IFFO2: variants seen among roughly 807,000 people sequenced by gnomAD.
IFFO2 encodes the protein intermediate filament family orphan 2.
Under a neutral mutation model 53.5 loss-of-function variants are expected in IFFO2, and 19 were observed. The ratio of observed to expected loss-of-function variants is 0.36; its 90% CI spans 0.25 to 0.52. The LOEUF (loss-of-function observed/expected upper bound fraction) is 0.52, where lower values mean the gene tolerates loss of function less well. IFFO2 is among the 20% of genes least tolerant of loss of function. IFFO2 has a pLI of 0.94. For synonymous variants in IFFO2, 303 were observed against 313.6 expected, an observed-to-expected ratio of 0.97 and a Z score of 0.36; for missense variants, 570 against 727.4, an observed-to-expected ratio of 0.78 and a Z score of 2.49.
Position 18,917,342 on chromosome 1 carries a change from AG to A in IFFO2, c.964-301del, listed in dbSNP as rs1936148091. The stretch of plus-strand genomic sequence containing the variant: ...AGCCCCACAGTTTGGGGAGAGGAGC[AG>A]GCCAGACCGGGACACAGAGTTGCCT... On this transcript the variant is annotated intron_variant, in intron 4 of 8. Transcript: ENST00000455833. This position sits in a 1 kb window ranked among gnomAD's most constrained non-coding sequence, Gnocchi z 5.9. Among the ~76,000 whole-genome samples the A allele has an allele frequency of 6.6e-6, 1 of 152,164 alleles. No homozygotes were observed. Among genetic ancestry groups the A allele is most frequent in the Non-Finnish European group, 1.5e-5 (1 of 68,032 alleles).
At position 18,936,419 on chromosome 1, in the gene IFFO2, C is replaced by T. The variant is rs971941191; in HGVS notation, c.666-15298G>A. ...CCTCCACCCCATCCCCATCCCGTGTCTGCTGGCTCTTGCTTAAGTGGAAGC... is the reference window on the plus strand; with the variant it reads ...CCTCCACCCCATCCCCATCCCGTGTTTGCTGGCTCTTGCTTAAGTGGAAGC... On this transcript the variant is annotated intron_variant, in intron 1 of 8. Coordinates refer to ENST00000455833, the MANE Select transcript of IFFO2 (RefSeq NM_001136265.2). The surrounding 1 kb of genome is among the most constrained non-coding windows in gnomAD (Gnocchi z 4.5). 2.0e-5 allele frequency among the ~76,000 whole-genome samples: 3 copies of T among 152,226 alleles called. No homozygotes were observed. The highest frequency in any genetic ancestry group is 7.2e-5 in the African/African-American group (3 of 41,460).
Position 18,956,168 on chromosome 1 carries a change from G to A in IFFO2, c.165C>T (p.His55=), listed in dbSNP as rs983235486. ...AGCGCACGTTGAGCCCCTTCAAGAG[G>A]TGGATGTTGGAGCCCAGGTCGTCCC... is the stretch of plus-strand genomic sequence containing the variant. ...ALRDDLGSNI[H]LLKGLNVRFR... is the part of the protein sequence containing the mutation. Residue 55 remains histidine, a synonymous_variant, in exon 1 of 9, where the codon CAC becomes CAT. Transcript: ENST00000455833. This position sits in a 1 kb window ranked among gnomAD's most constrained non-coding sequence, Gnocchi z 6.4. 496 of 1,477,278 alleles carry A rather than the reference G, an allele frequency of 3.4e-4. 1 individual carries two copies. Among genetic ancestry groups the A allele is most frequent in the Non-Finnish European group, 4.1e-4 (449 of 1,103,094 alleles). 91.5% of individuals were successfully genotyped at this position (1,477,278 alleles called of 1,614,324 possible). A position where few individuals can be genotyped will look rare whatever the true frequency, so the allele number is the denominator to read the frequency against.
Position 18,908,567 on chromosome 1 carries a change from G to C in IFFO2, c.1548C>G (p.Val516=). 1 of 1,550,826 alleles carries C rather than the reference G, an allele frequency of 6.4e-7. No homozygotes were observed. Among genetic ancestry groups the C allele is most frequent in the South Asian group, 1.2e-5 (1 of 84,000 alleles). ...GCTCGCAGGGCCTCAGTCATCAGCT[G>C]ACCATGGGCTCCACATCCGCCTCGC... ...FEREADVEPM[V]S Residue 516 remains valine (V), a synonymous_variant, in exon 9 of 9, where the codon GTC becomes GTG. Transcript: ENST00000455833.
In IFFO2 at chr1:18,937,331, T is replaced by C. The variant is rs1488264327; in HGVS notation, c.666-16210A>G. Among the ~76,000 whole-genome samples the C allele has an allele frequency of 4.6e-5, 7 of 152,284 alleles. No individual in the cohort carries two copies. The South Asian group carries it at 1.4e-3, about 32-fold the overall frequency. ...TTCCAGCGCAGCTGAGGCAGGTAAT[T>C]AGACTGCAAACACGCGCACCAAAAG... On this transcript the variant is annotated intron_variant, in intron 1 of 8. Transcript: ENST00000455833.
intron 1 of IFFO2, among the ~76,000 whole-genome samples, chr1:18,939,872 G>A (rs1288643002): frequency 6.6e-6 from 1 of 152,218 alleles, no homozygotes; most frequent in Non-Finnish European, 1.5e-5. Flanking sequence ...TCTCAGAAAG[G>A]GTTCTGGAAT....
intron 1 of IFFO2, among the ~76,000 whole-genome samples, chr1:18,951,740 T>C (rs1183220695): frequency 6.6e-6 from 1 of 152,164 alleles, no homozygotes; most frequent in Non-Finnish European, 1.5e-5. Context: ...GGGGAAACGG[T>C]TGAACCGGTT....
In IFFO2 at chr1:18,956,434, C is replaced by A. The variant is rs554983793; in HGVS notation, c.-102G>T. 5 of 161,828 alleles carry A rather than the reference C, an allele frequency of 3.1e-5. No individual in the cohort carries two copies. The allele number at this position is 161,828 out of a possible 1,614,324, so 10.0% of individuals were successfully genotyped here. ...GGCCGGGCCAGGGTGGGCGCGGGCT[C>A]CAGCGCGGCCGGCCGGGCGGTTCCA... On this transcript the variant is annotated 5_prime_UTR_variant, in exon 1 of 9. Transcript: ENST00000455833. The surrounding 1 kb of genome is among the most constrained non-coding windows in gnomAD (Gnocchi z 6.4).
At chr1:18,927,029 T>C (rs987599852) in intron 1 of IFFO2, among the ~76,000 whole-genome samples, 2 of 152,172 alleles carry the variant, frequency 1.3e-5, no homozygotes, top group Non-Finnish European at 2.9e-5. Flanking sequence ...CCCAGTTGCG[T>C]GATCTTGAGC....
rs533358101 is a variant in IFFO2 at position 18,947,825 on chromosome 1, G to A, written c.665+7843C>T. On this transcript the variant is annotated intron_variant, in intron 1 of 8. Coordinates refer to ENST00000455833, the MANE Select transcript of IFFO2 (RefSeq NM_001136265.2). The surrounding 1 kb of genome is among the most constrained non-coding windows in gnomAD (Gnocchi z 5.0). ...AGGGAGTCTTCCCAGCGCAGCAGCC[G>A]CCTCCTATTCTGCCACCCGCCATGG... is the stretch of plus-strand genomic sequence containing the variant. Among the ~76,000 whole-genome samples, 3 of 152,320 alleles carry A rather than the reference G, an allele frequency of 2.0e-5. No individual in the cohort carries two copies. The highest frequency in any genetic ancestry group is 4.1e-4 in the South Asian group (2 of 4,828).
chr1:18,911,478 TG>T lies in IFFO2; in HGVS notation c.1225-3del. 1 of 1,468,028 alleles carries T rather than the reference TG, an allele frequency of 6.8e-7. No individual in the cohort carries two copies. The highest frequency in any genetic ancestry group is 2.3e-5 in the Admixed American group (1 of 43,078). 90.9% of individuals were successfully genotyped at this position (1,468,028 alleles called of 1,614,324 possible). ...CAAGTTGCCCAAGTTTTCCTCTTGC[TG>T]GGGAAATAGAACAAACGGGACAGTT... is the stretch of plus-strand genomic sequence containing the variant. On this transcript the variant is annotated splice_region_variant and splice_polypyrimidine_tract_variant and intron_variant, in intron 6 of 8. Transcript: ENST00000455833.
At chr1:18,908,856 A>G (rs1935990234) in intron 8 of IFFO2, among the ~76,000 whole-genome samples, 190 bp from the exon 9 acceptor site, 1 of 152,132 alleles carries the variant, frequency 6.6e-6, no homozygotes, top group African/African-American at 2.4e-5. Flanking sequence ...ACCAGCCCCT[A>G]CTTGGTCTGG....
At chr1:18,944,548 C>G (rs1232459684) in intron 1 of IFFO2, among the ~76,000 whole-genome samples, 4 of 152,142 alleles carry the variant, frequency 2.6e-5, no homozygotes, top group Admixed American at 2.6e-4. Context: ...CACTAGGCAG[C>G]CTCCCTTGCC....
At position 18,908,739 on chromosome 1, in the gene IFFO2, C is replaced by T; in HGVS notation, c.1449-73G>A. On this transcript the variant is annotated intron_variant, in intron 8 of 8. Transcript: ENST00000455833. ...TCTGAAGGGTCAAGGAGTGGGAAGGCTGAGCTGCCACTTCTATAAGATCTA... is the reference window on the plus strand; with the variant it reads ...TCTGAAGGGTCAAGGAGTGGGAAGGTTGAGCTGCCACTTCTATAAGATCTA... 2.9e-6 allele frequency: 3 copies of T among 1,047,328 alleles called. No individual in the cohort carries two copies. The South Asian group carries it at 4.1e-5, about 14-fold the overall frequency. The allele number at this position is 1,047,328 out of a possible 1,614,324, so 64.9% of individuals were successfully genotyped here.
chr1:18,921,051 G>T lies in IFFO2; in HGVS notation c.726+10C>A, dbSNP rs562395831. On this transcript the variant is annotated intron_variant, in intron 2 of 8. Coordinates refer to ENST00000455833, the MANE Select transcript of IFFO2 (RefSeq NM_001136265.2). ...TGCCTCTCCTGGTCGGGATATCGGA[G>T]GGCTCTTACCTCCTGCAGCGTGTCC... is the stretch of plus-strand genomic sequence containing the variant. 7 of 1,551,684 alleles carry T rather than the reference G, an allele frequency of 4.5e-6. No homozygotes were observed. Among genetic ancestry groups the T allele is most frequent in the Non-Finnish European group, 6.1e-6 (7 of 1,146,830 alleles).
chr1:18,914,284 A>G (rs1355938857), intron 5 of IFFO2, among the ~76,000 whole-genome samples: 1 of 152,104 alleles, frequency 6.6e-6, no homozygotes, highest in Non-Finnish European at 1.5e-5. Flanking sequence ...GCCTTTGCCC[A>G]TGGGGCCCCC....
Position 18,914,781 on chromosome 1 carries a change from C to A in IFFO2, c.1103+2122G>T, listed in dbSNP as rs184122795. Among the ~76,000 whole-genome samples, 3 of 149,798 alleles carry A rather than the reference C, an allele frequency of 2.0e-5. No homozygotes were observed. In the East Asian group the frequency reaches 5.9e-4, roughly 29 times the overall value. On this transcript the variant is annotated intron_variant, in intron 5 of 8. Transcript: ENST00000455833. ...GAAGCTGCAGTGAGCTGAGATCGCA[C>A]CACCACACTCCAGCCTGGGCAACAG...
In IFFO2 at chr1:18,905,772, C is replaced by G. The variant is rs1458605044; in HGVS notation, c.*2789G>C. Reference sequence around the variant, plus strand: ...AGGATGCTAGTCTTCCTATCCCTCCCCAATCCTCTGTTTGTATAAAACCCC... The same window carrying G: ...AGGATGCTAGTCTTCCTATCCCTCCGCAATCCTCTGTTTGTATAAAACCCC... On this transcript the variant is annotated 3_prime_UTR_variant, in exon 9 of 9. Transcript: ENST00000455833. 2 of 152,052 alleles carry G rather than the reference C, an allele frequency of 1.3e-5. No homozygotes were observed. Among genetic ancestry groups the G allele is most frequent in the Non-Finnish European group, 2.9e-5 (2 of 68,056 alleles). The allele number at this position is 152,052 out of a possible 1,614,324, so 9.4% of individuals were successfully genotyped here. A position where few individuals can be genotyped will look rare whatever the true frequency, so the allele number is the denominator to read the frequency against.
chr1:18,925,882 T>G (rs1357336765), intron 1 of IFFO2, among the ~76,000 whole-genome samples: 1 of 29,130 alleles, frequency 3.4e-5, no homozygotes, highest in Non-Finnish European at 7.2e-5. Flanking sequence ...GATGGATGGA[T>G]GGATGGATGG....
rs1467753292 is a variant in IFFO2, at chr1:18,916,696, G to A, written c.1103+207C>T. Among the ~76,000 whole-genome samples the A allele has an allele frequency of 6.6e-6, 1 of 152,104 alleles. No homozygotes were observed. Among genetic ancestry groups the A allele is most frequent in the Non-Finnish European group, 1.5e-5 (1 of 68,016 alleles). ...ATGAAAGGATCCCTAAACCCAAGAG[G>A]TTGAGGCTGCAGTGAGCTGTGACCA... On this transcript the variant is annotated intron_variant, in intron 5 of 8. Transcript: ENST00000455833. The surrounding 1 kb of genome is among the most constrained non-coding windows in gnomAD (Gnocchi z 4.3).
Sources: gnomAD v4.1 joint callset for allele counts (sites outside exome capture counted in the v4.1 genomes callset) on GRCh38, gnomAD v4.1.1 for gene constraint, Gnocchi (gnomAD v3.1) non-coding constraint, MANE v1.5 for transcripts, NCBI Gene and HGNC (gene_info 2026-07-23, HGNC 2026-07-21) for gene names.